Variants in PRR5L observed in about 807,000 individuals in gnomAD.
The protein encoded by PRR5L is proline rich 5 like, also known as proline-rich protein 5-like.
A neutral mutation model predicts 36.4 loss-of-function variants in PRR5L; 21 were observed. The observed-to-expected ratio is 0.58, with a 90% confidence interval of 0.41 to 0.83. The LOEUF (loss-of-function observed/expected upper bound fraction) is 0.83. Among genes scored for constraint, PRR5L ranks in the 40% least tolerant of loss-of-function variants. PRR5L has a pLI of 0.00. For synonymous variants in PRR5L, 188 were observed against 197.0 expected, an observed-to-expected ratio of 0.95 and a Z score of 0.38; for missense variants, 381 against 473.3, an observed-to-expected ratio of 0.80 and a Z score of 1.81.
At chr11:36,369,153 G>A (rs1857173416) in intron 1 of PRR5L, among the ~76,000 whole-genome samples, 4 of 152,202 alleles carry the variant, frequency 2.6e-5, no homozygotes, top group Non-Finnish European at 4.4e-5. Context: ...GGGTGATTAA[G>A]ACAACCTTAG....
intron 4 of PRR5L, among the ~76,000 whole-genome samples, chr11:36,429,226 C>A (rs1036010123): frequency 6.6e-6 from 1 of 152,062 alleles, no homozygotes; most frequent in Admixed American, 6.5e-5. Context: ...CCCTATAGCA[C>A]TTATTCTTCT....
chr11:36,374,088 T>A (rs985777813), intron 1 of PRR5L, among the ~76,000 whole-genome samples: 1 of 116,604 alleles, frequency 8.6e-6, no homozygotes. Flanking sequence ...CTTCCTTCCT[T>A]CCTTCCTTCC....
intron 1 of PRR5L, among the ~76,000 whole-genome samples, chr11:36,331,414 A>G (rs998128871): frequency 6.6e-6 from 1 of 152,244 alleles, no homozygotes; most frequent in Non-Finnish European, 1.5e-5. Flanking sequence ...ACTTGATGAA[A>G]TAGAATCATA....
chr11:36,297,975 G>T (rs369959288), intron 1 of PRR5L, among the ~76,000 whole-genome samples: 1 of 152,236 alleles, frequency 6.6e-6, no homozygotes, highest in East Asian at 1.9e-4. Context: ...CATTTCAGTG[G>T]CAGGTTCTGG....
intron 3 of PRR5L, among the ~76,000 whole-genome samples, chr11:36,414,532 G>T (rs1858099936): frequency 6.9e-6 from 1 of 145,844 alleles, no homozygotes; most frequent in South Asian, 2.3e-4. Flanking sequence ...GTCTGTTCAT[G>T]TCCTTCGCCC....
In PRR5L at chr11:36,344,329, C is replaced by T. The variant is rs1049622674; in HGVS notation, c.-126+47891C>T. On this transcript the variant is annotated intron_variant, in intron 1 of 8. Transcript: ENST00000530639. This position sits in a 1 kb window ranked among gnomAD's most constrained non-coding sequence, Gnocchi z 4.1. ...CATGTTAAGTCTTGGTGTATTACTT[C>T]CAGACCTATTTCCATGCACATTTAG... Among the ~76,000 whole-genome samples the T allele has an allele frequency of 4.6e-5, 7 of 152,136 alleles. No homozygotes were observed. The South Asian group carries it at 1.2e-3, about 27-fold the overall frequency.
At chr11:36,352,190 G>A (rs868248333) in intron 1 of PRR5L, among the ~76,000 whole-genome samples, 98 of 152,150 alleles carry the variant, frequency 6.4e-4, no homozygotes, top group African/African-American at 2.3e-3. Context: ...GTGATGTTGA[G>A]CATTTTTTCA....
chr11:36,336,774 A>G (rs1490601514), intron 1 of PRR5L, among the ~76,000 whole-genome samples: 1 of 152,120 alleles, frequency 6.6e-6, no homozygotes, highest in Non-Finnish European at 1.5e-5. Flanking sequence ...ATCCTCTTGC[A>G]TGCCACCTGT....
At chr11:36,345,451 C>G (rs1162521893) in intron 1 of PRR5L, among the ~76,000 whole-genome samples, 1 of 151,848 alleles carries the variant, frequency 6.6e-6, no homozygotes, top group Non-Finnish European at 1.5e-5. Flanking sequence ...GATTGTGCCC[C>G]GTGGATAGCA....
chr11:36,303,805 T>C (rs1856402063), intron 1 of PRR5L, among the ~76,000 whole-genome samples: 1 of 152,336 alleles, frequency 6.6e-6, no homozygotes, highest in African/African-American at 2.4e-5. Context: ...GAACAATACA[T>C]GGTCATGTCC....
intron 1 of PRR5L, among the ~76,000 whole-genome samples, chr11:36,391,073 T>C (rs993019863): frequency 6.6e-6 from 1 of 152,204 alleles, no homozygotes; most frequent in Non-Finnish European, 1.5e-5. Flanking sequence ...CTTGTTTCCG[T>C]GGTAACTAGT....
At position 36,464,208 on chromosome 11, in the gene PRR5L, T is replaced by A. The variant is rs1859248974; in HGVS notation, c.*1472T>A. On this transcript the variant is annotated 3_prime_UTR_variant, in exon 9 of 9. Coordinates refer to ENST00000530639, the MANE Select transcript of PRR5L (RefSeq NM_001160167.2). The stretch of plus-strand genomic sequence containing the variant: ...ACAGCTCCAGAAAAAAAGACAAGGC[T>A]CCCCCTCTGACCCTTCCTGTTGGTA... 6.6e-6 allele frequency: 1 copy of A among 151,800 alleles called. No individual in the cohort carries two copies. Among genetic ancestry groups the A allele is most frequent in the South Asian group, 2.1e-4 (1 of 4,812 alleles). 9.4% of individuals were successfully genotyped at this position (151,800 alleles called of 1,614,324 possible). A position where few individuals can be genotyped will look rare whatever the true frequency, so the allele number is the denominator to read the frequency against.
At chr11:36,414,487 T>TG in intron 3 of PRR5L, among the ~76,000 whole-genome samples, 2 of 147,974 alleles carry the variant, frequency 1.4e-5, no homozygotes, top group African/African-American at 5.1e-5. Flanking sequence ...TTTTTTCATG[T>TG]TTTTTGGCTG....
intron 1 of PRR5L, among the ~76,000 whole-genome samples, chr11:36,303,239 A>G (rs1178953285): frequency 6.6e-6 from 1 of 152,268 alleles, no homozygotes; most frequent in Non-Finnish European, 1.5e-5. Flanking sequence ...TAGATGTAAT[A>G]GAAAGTTATT....
intron 4 of PRR5L, among the ~76,000 whole-genome samples, chr11:36,431,118 G>A (rs1411969007): frequency 1.3e-5 from 2 of 152,184 alleles, no homozygotes; most frequent in East Asian, 3.8e-4. Context: ...GTCTGGGTGG[G>A]AAGACTTGCT....
At chr11:36,432,993 G>C (rs1333618392) in intron 5 of PRR5L, among the ~76,000 whole-genome samples, 13 of 152,060 alleles carry the variant, frequency 8.5e-5, no homozygotes, top group Admixed American at 8.5e-4. Context: ...TTGAGAGTTG[G>C]CTGAACCTGT....
chr11:36,316,516 T>C (rs1856559107), intron 1 of PRR5L, among the ~76,000 whole-genome samples: 1 of 152,016 alleles, frequency 6.6e-6, no homozygotes. Context: ...GAAGTGCTGA[T>C]TGGTGAGGTT....
At chr11:36,428,698 C>T (rs754733625) in intron 4 of PRR5L, among the ~76,000 whole-genome samples, 6 of 152,150 alleles carry the variant, frequency 3.9e-5, no homozygotes, top group East Asian at 1.9e-4. Context: ...CTTCTAGCCT[C>T]GGTTTATACA....
chr11:36,380,860 A>AT (rs1857355634), intron 1 of PRR5L, among the ~76,000 whole-genome samples: 1 of 152,204 alleles, frequency 6.6e-6, no homozygotes, highest in Admixed American at 6.5e-5. Flanking sequence ...ACATCACTAT[A>AT]TACTAACTTC....
Sources: gnomAD v4.1 joint callset for allele counts (sites outside exome capture counted in the v4.1 genomes callset) on GRCh38, gnomAD v4.1.1 for gene constraint, Gnocchi (gnomAD v3.1) non-coding constraint, MANE v1.5 for transcripts, NCBI Gene and HGNC (gene_info 2026-07-23, HGNC 2026-07-21) for gene names.